The following ROBO1 variants were observed in gnomAD, a reference collection of about 807,000 sequenced individuals.
ROBO1 encodes the protein roundabout homolog 1.
A neutral mutation model predicts 195.9 loss-of-function variants in ROBO1; 149 were observed. The ratio of observed to expected loss-of-function variants is 0.76; its 90% CI spans 0.67 to 0.87. The LOEUF (loss-of-function observed/expected upper bound fraction) is 0.87. ROBO1 is among the 40% of genes least tolerant of loss of function. The pLI is 0.00. For missense variants in ROBO1, 1,933 were observed against 2,068.3 expected (o/e 0.93, Z 1.27); for synonymous variants, 816 against 733.2 (o/e 1.11, Z -1.82).
chr3:79,079,255 T>C (rs1324813228), intron 3 of ROBO1, among the ~76,000 whole-genome samples: 1 of 151,834 alleles, frequency 6.6e-6, no homozygotes, highest in African/African-American at 2.4e-5. Flanking sequence ...CATCTATATA[T>C]AACTCATGGT....
intron 2 of ROBO1, among the ~76,000 whole-genome samples, chr3:79,251,079 A>C (rs538803297): frequency 4.1e-4 from 63 of 152,286 alleles, no homozygotes; most frequent in African/African-American, 1.4e-3. Flanking sequence ...ACAAAAAAGG[A>C]AATCAGTAAG....
chr3:78,971,744 TTTTTTG>T (rs1334348376), intron 3 of ROBO1, among the ~76,000 whole-genome samples: 32 of 151,306 alleles, frequency 2.1e-4, no homozygotes, highest in Non-Finnish European at 7.4e-5. Flanking sequence ...TTTAAATATT[TTTTTTG>T]TTGTTGTTGT....
intron 2 of ROBO1, among the ~76,000 whole-genome samples, chr3:79,365,309 T>C (rs2035927986): frequency 6.6e-6 from 1 of 152,170 alleles, no homozygotes; most frequent in African/African-American, 2.4e-5. Context: ...TCTTGGCCTT[T>C]CCACCTGCAC....
In ROBO1 at chr3:79,475,397, C is replaced by CA. The variant is rs997128384; in HGVS notation, c.88+114426_88+114427insT. Among the ~76,000 whole-genome samples, 64 of 151,980 alleles carry CA rather than the reference C, an allele frequency of 4.2e-4. 1 individual carries two copies. The highest frequency in any genetic ancestry group is 1.5e-3 in the African/African-American group (63 of 41,508). ...TTTGTATTACTGTTCATGTTGAATA[C>CA]TTTGTTTATTAAAGGGTAAGAAATA... On this transcript the variant is annotated intron_variant, in intron 2 of 30. Coordinates refer to ENST00000464233, the MANE Select transcript of ROBO1 (RefSeq NM_002941.4).
intron 2 of ROBO1, among the ~76,000 whole-genome samples, chr3:79,354,783 C>T (rs2035478978): frequency 6.6e-6 from 1 of 152,164 alleles, no homozygotes; most frequent in African/African-American, 2.4e-5. Flanking sequence ...CATGTTCCTC[C>T]TCTACTTAAA....
intron 5 of ROBO1, among the ~76,000 whole-genome samples, chr3:78,745,341 CTT>C (rs2082632374): frequency 6.8e-6 from 1 of 147,786 alleles, no homozygotes; most frequent in Non-Finnish European, 1.5e-5. Flanking sequence ...TTGTCACTAA[CTT>C]ATATTAAACA....
At chr3:78,985,375 A>G (rs1016752937) in intron 3 of ROBO1, among the ~76,000 whole-genome samples, 4 of 152,132 alleles carry the variant, frequency 2.6e-5, no homozygotes, top group African/African-American at 9.7e-5. Context: ...ATAACATACA[A>G]AATACATGTT....
intron 3 of ROBO1, among the ~76,000 whole-genome samples, chr3:79,116,727 A>C (rs1397727011): frequency 1.3e-5 from 2 of 152,032 alleles, no homozygotes; most frequent in East Asian, 3.9e-4. Flanking sequence ...CATGTTGCCC[A>C]GGTTGGTCTC....
chr3:79,059,472 C>T (rs1011817368), intron 3 of ROBO1, among the ~76,000 whole-genome samples: 2 of 151,964 alleles, frequency 1.3e-5, no homozygotes, highest in Non-Finnish European at 2.9e-5. Flanking sequence ...AATGAACAAG[C>T]CTTCATTGCC....
At chr3:79,647,525 C>A (rs1945854581) in intron 1 of ROBO1, among the ~76,000 whole-genome samples, 1 of 151,944 alleles carries the variant, frequency 6.6e-6, no homozygotes, top group African/African-American at 2.4e-5. Flanking sequence ...TTTCCCCACA[C>A]AGTGACATTT....
intron 2 of ROBO1, among the ~76,000 whole-genome samples, chr3:79,409,407 G>A (rs2037678949): frequency 6.6e-6 from 1 of 152,014 alleles, no homozygotes; most frequent in Non-Finnish European, 1.5e-5. Flanking sequence ...TTTTATTACT[G>A]CTATTTTAAT....
chr3:79,596,745 A>G lies in ROBO1; in HGVS notation c.-50-6784T>C, dbSNP rs148933324. ...CAACTCTACTATGTTTCTCACGACA[A>G]TTGCAAAATGTCAGAGAATTAGAAG... is the stretch of plus-strand genomic sequence containing the variant. On this transcript the variant is annotated intron_variant, in intron 1 of 30. Coordinates refer to ENST00000464233, the MANE Select transcript of ROBO1 (RefSeq NM_002941.4). 2.9e-3 allele frequency among the ~76,000 whole-genome samples: 443 copies of G among 152,152 alleles called. 1 individual carries two copies. Among genetic ancestry groups the G allele is most frequent in the African/African-American group, 9.9e-3 (410 of 41,544 alleles).
chr3:79,687,863 T>C (rs1947175076), intron 1 of ROBO1, among the ~76,000 whole-genome samples: 1 of 152,138 alleles, frequency 6.6e-6, no homozygotes, highest in South Asian at 2.1e-4. Context: ...AGCCATCCCA[T>C]TACTGGGTAT....
chr3:79,723,252 A>G (rs2107307164), intron 1 of ROBO1, among the ~76,000 whole-genome samples: 1 of 152,280 alleles, frequency 6.6e-6, no homozygotes, highest in Non-Finnish European at 1.5e-5. Context: ...CCTTGGGATC[A>G]AAGGTGATCT....
rs558457234 is a variant in ROBO1, at chr3:79,442,783, A to AC, written c.88+147040dup. 1.9e-3 allele frequency among the ~76,000 whole-genome samples: 288 copies of AC among 152,110 alleles called. 1 individual carries two copies. The highest frequency in any genetic ancestry group is 0.014 in the Middle Eastern group (4 of 294). On this transcript the variant is annotated intron_variant, in intron 2 of 30. Transcript: ENST00000464233. The stretch of plus-strand genomic sequence containing the variant: ...GGCTAAAGGGAACCTCCAAGGGAAG[A>AC]CCTCCTCACTCTTGCTTAGAATTCT...
chr3:79,439,714 G>A (rs2038993552), intron 2 of ROBO1, among the ~76,000 whole-genome samples: 1 of 152,058 alleles, frequency 6.6e-6, no homozygotes. Flanking sequence ...ATCATTTTCA[G>A]ATTTTAATGT....
chr3:79,565,391 T>G (rs947719958), intron 2 of ROBO1, among the ~76,000 whole-genome samples: 2 of 151,912 alleles, frequency 1.3e-5, no homozygotes, highest in Non-Finnish European at 2.9e-5. Context: ...AAAATTAAAG[T>G]GATACTGTAT....
At chr3:78,754,160 A>T (rs1197408597) in intron 4 of ROBO1, among the ~76,000 whole-genome samples, 1 of 152,182 alleles carries the variant, frequency 6.6e-6, no homozygotes, top group African/African-American at 2.4e-5. Flanking sequence ...TTTAATGTTT[A>T]TACAGGACTT....
chr3:79,499,520 TC>T (rs1319723737), intron 2 of ROBO1, among the ~76,000 whole-genome samples: 1 of 152,200 alleles, frequency 6.6e-6, no homozygotes, highest in Non-Finnish European at 1.5e-5. Context: ...GTATATACTG[TC>T]TATGGATTAA....
Sources: allele counts gnomAD v4.1 joint callset (sites outside exome capture counted in the v4.1 genomes callset), GRCh38; gene constraint gnomAD v4.1.1; transcripts MANE v1.5; gene names NCBI Gene and HGNC (gene_info 2026-07-23, HGNC 2026-07-21).